Variants in FAM219A observed in about 807,000 individuals in gnomAD.
FAM219A encodes the protein family with sequence similarity 219 member A, also known as protein FAM219A.
In FAM219A, 7 loss-of-function variants were observed where a neutral mutation model predicts 23.4. The observed-to-expected ratio is 0.30, with a 90% confidence interval of 0.17 to 0.56. The LOEUF (loss-of-function observed/expected upper bound fraction) is 0.56. Ranked by LOEUF, FAM219A falls within the 20% of genes least tolerant of loss-of-function variation. FAM219A has a pLI of 0.92. For missense variants in FAM219A, 166 were observed against 246.9 expected, an observed-to-expected ratio of 0.67 and a Z score of 2.20; for synonymous variants, 93 against 99.0, an observed-to-expected ratio of 0.94 and a Z score of 0.36.
At chr9:34,452,098 TAAC>T (rs72127229) in intron 1 of FAM219A, among the ~76,000 whole-genome samples, 27,450 of 151,874 alleles carry the variant, frequency 0.18, 2,669 homozygotes, top group East Asian at 0.33. Context: ...GGAAAGAAAA[TAAC>T]AACAACAAAA....
chr9:34,401,266 C>G, intron 5 of FAM219A, 144 bp from the exon 6 acceptor site: 1 of 1,013,790 alleles, frequency 9.9e-7, no homozygotes, highest in Non-Finnish European at 1.4e-6. Context: ...GTCTGTACCC[C>G]CAGGCCCCGC....
chr9:34,406,555 G>A, intron 1 of FAM219A: 1 of 922,978 alleles, frequency 1.1e-6, no homozygotes, highest in Non-Finnish European at 1.3e-6. Context: ...CCTAAAGAGT[G>A]TCTCCGGGGA....
At chr9:34,416,706 T>A (rs1822044119) in intron 1 of FAM219A, among the ~76,000 whole-genome samples, 1 of 150,570 alleles carries the variant, frequency 6.6e-6, no homozygotes, top group South Asian at 2.1e-4. Context: ...CCACTGGACT[T>A]CAGCCTGGGC....
chr9:34,426,150 A>G (rs978625009), intron 1 of FAM219A, among the ~76,000 whole-genome samples: 2 of 152,184 alleles, frequency 1.3e-5, no homozygotes, highest in African/African-American at 4.8e-5. Flanking sequence ...TTATATGGAC[A>G]CCTAATTTCA....
chr9:34,416,083 G>A (rs901585930), intron 1 of FAM219A, among the ~76,000 whole-genome samples: 4 of 151,868 alleles, frequency 2.6e-5, no homozygotes, highest in African/African-American at 9.7e-5. Context: ...AGGCTGAGTG[G>A]GAGGATTGCC....
intron 1 of FAM219A, among the ~76,000 whole-genome samples, chr9:34,420,164 G>A (rs1372866419): frequency 6.6e-6 from 1 of 152,070 alleles, no homozygotes; most frequent in Non-Finnish European, 1.5e-5. Flanking sequence ...ATGTACACTG[G>A]GGAGGGAAAA....
chr9:34,405,761 A>T, intron 2 of FAM219A, 104 bp downstream of exon 2: 1 of 1,144,116 alleles, frequency 8.7e-7, no homozygotes, highest in Admixed American at 2.1e-5. Context: ...TGAGTCTTGG[A>T]ATCATCTAGG....
At chr9:34,429,813 T>C (rs1340234644) in intron 1 of FAM219A, among the ~76,000 whole-genome samples, 1 of 152,208 alleles carries the variant, frequency 6.6e-6, no homozygotes, top group East Asian at 1.9e-4. Context: ...TGATGGCTCA[T>C]GAAAGGATCC....
Position 34,401,652 on chromosome 9 carries a change from G to GGGTA in FAM219A, c.399+10_399+13dup, listed in dbSNP as rs1213165923. 4.4e-6 allele frequency: 7 copies of GGGTA among 1,604,920 alleles called. 1 individual carries two copies. In the African/African-American group the frequency reaches 9.3e-5, roughly 21 times the overall value. ...GCCCGGTGGTGTCTAGGGTGAGAAGGGGTAGGGGCTCACCTCAGCAGAGGA... is the reference window on the plus strand; with the variant it reads ...GCCCGGTGGTGTCTAGGGTGAGAAGGGGTAGGTAGGGGCTCACCTCAGCAGAGGA... On this transcript the variant is annotated intron_variant, in intron 5 of 5. Transcript: ENST00000651358.
intron 1 of FAM219A, among the ~76,000 whole-genome samples, chr9:34,439,885 A>C (rs1823101575): frequency 6.6e-6 from 1 of 152,210 alleles, no homozygotes; most frequent in African/African-American, 2.4e-5. Context: ...AAGGGGCTAC[A>C]CGGGGCACTC....
intron 1 of FAM219A, among the ~76,000 whole-genome samples, chr9:34,440,165 ATGTTTTCTAGCTGTTGCACAGC>A (rs1475706199): frequency 3.9e-5 from 6 of 152,144 alleles, no homozygotes; most frequent in Non-Finnish European, 8.8e-5. Context: ...GCAGACCCCT[ATGTTTTCTAGCTGTTGCACAGC>A]TGGTCCCTAG....
intron 1 of FAM219A, among the ~76,000 whole-genome samples, chr9:34,439,269 A>T (rs1315283388): frequency 6.6e-6 from 1 of 152,246 alleles, no homozygotes; most frequent in Non-Finnish European, 1.5e-5. Context: ...ACACACTTCT[A>T]AACAGTAGGA....
intron 1 of FAM219A, among the ~76,000 whole-genome samples, chr9:34,431,097 G>C (rs561637966): frequency 6.6e-6 from 1 of 152,310 alleles, no homozygotes; most frequent in Non-Finnish European, 1.5e-5. Flanking sequence ...AACTGAAGTA[G>C]CTCCTGCATG....
intron 1 of FAM219A, among the ~76,000 whole-genome samples, chr9:34,438,289 G>A (rs945014412): frequency 3.3e-5 from 5 of 152,162 alleles, no homozygotes; most frequent in Middle Eastern, 3.2e-3. Context: ...CCTGCTCCAC[G>A]GCGCCCAGTC....
intron 1 of FAM219A, among the ~76,000 whole-genome samples, chr9:34,451,208 T>C (rs1008542153): frequency 6.6e-6 from 1 of 152,184 alleles, no homozygotes. Flanking sequence ...AGCCAGAAGT[T>C]GATTTGGCTG....
intron 1 of FAM219A, among the ~76,000 whole-genome samples, chr9:34,433,171 CTTA>C (rs1822778129): frequency 6.6e-6 from 1 of 152,118 alleles, no homozygotes; most frequent in South Asian, 2.1e-4. Flanking sequence ...TTAATGTATA[CTTA>C]TTTTGGGAGG....
intron 2 of FAM219A, among the ~76,000 whole-genome samples, chr9:34,404,976 G>A (rs774930095): frequency 5.3e-5 from 8 of 152,234 alleles, no homozygotes; most frequent in Non-Finnish European, 1.0e-4. Context: ...TTAGGACTGA[G>A]GAGGCATCAG....
rs1823773519 is a variant in FAM219A at position 34,457,285 on chromosome 9, GTCAGGGAGCC to G, written c.60+909_60+918del. On this transcript the variant is annotated intron_variant, in intron 1 of 5. Transcript: ENST00000651358. The surrounding 1 kb of genome is among the most constrained non-coding windows in gnomAD (Gnocchi z 5.1). ...CCCGGTTGCCTGACAGACAAGCGAG[GTCAGGGAGCC>G]CCCTGGGCGGTGGCCAGCAAGCATG... The G allele has an allele frequency of 6.6e-6, 1 of 152,426 alleles. No individual in the cohort carries two copies. Among genetic ancestry groups the G allele is most frequent in the Admixed American group, 6.5e-5 (1 of 15,288 alleles). The allele number at this position is 152,426 out of a possible 1,614,324, so 9.4% of individuals were successfully genotyped here.
At chr9:34,452,531 A>G (rs1341990214) in intron 1 of FAM219A, among the ~76,000 whole-genome samples, 1 of 152,122 alleles carries the variant, frequency 6.6e-6, no homozygotes, top group Non-Finnish European at 1.5e-5. Context: ...TATCTGTCCC[A>G]TCGTGTTTCT....
Sources: gnomAD v4.1 joint callset for allele counts (sites outside exome capture counted in the v4.1 genomes callset) on GRCh38, gnomAD v4.1.1 for gene constraint, Gnocchi (gnomAD v3.1) non-coding constraint, MANE v1.5 for transcripts, NCBI Gene and HGNC (gene_info 2026-07-23, HGNC 2026-07-21) for gene names.